Variants in MLLT10 observed in about 807,000 individuals in gnomAD.
The protein encoded by MLLT10 is MLLT10 histone lysine methyltransferase DOT1L cofactor.
MLLT10 carries 30 observed loss-of-function variants against 129.1 expected under a neutral mutation model. The ratio of observed to expected loss-of-function variants is 0.23; its 90% CI spans 0.17 to 0.32. The LOEUF (loss-of-function observed/expected upper bound fraction) is 0.32, where lower values mean the gene tolerates loss of function less well. Among genes scored for constraint, MLLT10 ranks in the 10% least tolerant of loss-of-function variants. MLLT10 has a pLI of 1.00. For synonymous variants in MLLT10, 490 were observed against 446.4 expected (o/e 1.10, Z -1.23); for missense variants, 1,119 against 1,268.3 (o/e 0.88, Z 1.79).
chr10:21,725,859 T>A (rs980584047), intron 14 of MLLT10, among the ~76,000 whole-genome samples: 1 of 150,754 alleles, frequency 6.6e-6, no homozygotes, highest in Non-Finnish European at 1.5e-5. Flanking sequence ...CACGCCATTC[T>A]CCTGCCTCAG....
At chr10:21,679,891 A>G (rs2052562185) in intron 11 of MLLT10, among the ~76,000 whole-genome samples, 1 of 152,192 alleles carries the variant, frequency 6.6e-6, no homozygotes, top group African/African-American at 2.4e-5. Context: ...GTTTTTGGTT[A>G]AATAATATCC....
intron 5 of MLLT10, among the ~76,000 whole-genome samples, chr10:21,610,309 C>T (rs1258061975): frequency 1.3e-5 from 2 of 152,142 alleles, no homozygotes; most frequent in Non-Finnish European, 2.9e-5. Flanking sequence ...GGCAGCCTGG[C>T]CGTCATAGGG....
chr10:21,607,022 G>A (rs2044129494), intron 5 of MLLT10, among the ~76,000 whole-genome samples: 2 of 152,102 alleles, frequency 1.3e-5, no homozygotes, highest in South Asian at 4.1e-4. Flanking sequence ...CAGCCCTTTT[G>A]GAGACAGTAG....
At chr10:21,586,777 C>G (rs2042024584) in intron 4 of MLLT10, among the ~76,000 whole-genome samples, 1 of 151,922 alleles carries the variant, frequency 6.6e-6, no homozygotes, top group East Asian at 1.9e-4. Flanking sequence ...GTCCCAGCTA[C>G]TTGGGAGGCT....
intron 14 of MLLT10, among the ~76,000 whole-genome samples, chr10:21,720,108 C>A (rs2057022348): frequency 6.6e-6 from 1 of 152,178 alleles, no homozygotes; most frequent in African/African-American, 2.4e-5. Flanking sequence ...CTATACAGTC[C>A]TGTTGTCCGA....
intron 8 of MLLT10, among the ~76,000 whole-genome samples, chr10:21,650,541 AC>A: frequency 6.6e-6 from 1 of 151,876 alleles, no homozygotes; most frequent in African/African-American, 2.4e-5. Flanking sequence ...TTGTATGTAA[AC>A]CTTTTTAGGA....
At chr10:21,639,169 T>C (rs1330337454) in intron 8 of MLLT10, among the ~76,000 whole-genome samples, 1 of 152,194 alleles carries the variant, frequency 6.6e-6, no homozygotes, top group Non-Finnish European at 1.5e-5. Flanking sequence ...AAACAAACAG[T>C]TTCTCCTGCT....
intron 13 of MLLT10, among the ~76,000 whole-genome samples, chr10:21,710,998 G>T (rs1434642480): frequency 6.6e-6 from 1 of 152,100 alleles, no homozygotes; most frequent in African/African-American, 2.4e-5. Flanking sequence ...GGTCTAATTA[G>T]TCACCAGGTT....
intron 3 of MLLT10, among the ~76,000 whole-genome samples, chr10:21,574,998 C>A (rs993819717): frequency 1.4e-4 from 21 of 152,006 alleles, no homozygotes; most frequent in African/African-American, 4.8e-4. Flanking sequence ...TTTCCCCAGC[C>A]CCTGTTCAAG....
chr10:21,723,134 C>G (rs1202397092), intron 14 of MLLT10, among the ~76,000 whole-genome samples: 2 of 152,010 alleles, frequency 1.3e-5, no homozygotes, highest in African/African-American at 4.8e-5. Context: ...TAGATACTTT[C>G]CTTCTTTAGC....
intron 9 of MLLT10, among the ~76,000 whole-genome samples, chr10:21,658,914 C>T (rs943242414): frequency 6.6e-6 from 1 of 152,136 alleles, no homozygotes; most frequent in Non-Finnish European, 1.5e-5. Context: ...GATCCGCCCT[C>T]CTAGGCCTCC....
intron 16 of MLLT10, among the ~76,000 whole-genome samples, chr10:21,728,501 T>TG (rs1313123187): frequency 6.6e-6 from 1 of 152,194 alleles, no homozygotes; most frequent in Non-Finnish European, 1.5e-5. Context: ...CTGTTCTAAA[T>TG]GGGGAGAATG....
chr10:21,713,940 C>T lies in MLLT10; in HGVS notation c.1868C>T (p.Ala623Val), dbSNP rs1466866554. 1 of 1,610,868 alleles carries T rather than the reference C, an allele frequency of 6.2e-7. No homozygotes were observed. Among genetic ancestry groups the T allele is most frequent in the Non-Finnish European group, 8.5e-7 (1 of 1,178,494 alleles). ...GTGTCATCTGCAGCCCCTGCTGTTGCTACAACTCAGGTAAGTTGTTACACT... is the reference window on the plus strand; with the variant it reads ...GTGTCATCTGCAGCCCCTGCTGTTGTTACAACTCAGGTAAGTTGTTACACT... ...SAVSSAAPAV[A>V]TTQANTLSGS... The change falls in exon 14 of 23, where the codon GCT (alanine) becomes GTT (valine). Residue 623 changes from alanine to valine, a missense_variant. Physicochemically the swap from Ala to Val is moderately conservative, Grantham distance 64 (BLOSUM62 0). Coordinates refer to ENST00000307729, the MANE Select transcript of MLLT10 (RefSeq NM_001195626.3).
chr10:21,539,300 A>G (rs747180965), intron 3 of MLLT10, among the ~76,000 whole-genome samples: 4 of 152,192 alleles, frequency 2.6e-5, no homozygotes, highest in Non-Finnish European at 4.4e-5. Flanking sequence ...AAAAAACCCA[A>G]TAATTTTAGT....
chr10:21,562,679 G>A (rs1564415689), intron 3 of MLLT10, among the ~76,000 whole-genome samples: 1 of 151,710 alleles, frequency 6.6e-6, no homozygotes, highest in African/African-American at 2.4e-5. Flanking sequence ...CAACATTAAG[G>A]TATTACAATC....
chr10:21,595,434 T>C lies in MLLT10; in HGVS notation c.399T>C (p.Tyr133=), dbSNP rs752633927. The C allele has an allele frequency of 2.7e-5, 43 of 1,609,408 alleles. No homozygotes were observed. Among genetic ancestry groups the C allele is most frequent in the African/African-American group, 4.0e-5 (3 of 74,842 alleles). Residue 133 remains tyrosine (Y), a synonymous_variant, in exon 5 of 23, where the codon TAT becomes TAC. Transcript: ENST00000307729. The part of the protein sequence containing the change: ...IVLQSVPHDR[Y]NKTCYICDEQ... ...TACAGTCTGTTCCGCATGATCGTTA[T>C]AATAAGGTACAGTGGATATTATTTT...
At chr10:21,544,863 A>C (rs1187109258) in intron 3 of MLLT10, among the ~76,000 whole-genome samples, 1 of 152,110 alleles carries the variant, frequency 6.6e-6, no homozygotes, top group Admixed American at 6.6e-5. Flanking sequence ...TTTGTATTGG[A>C]GGCCGGGCGC....
Position 21,563,178 on chromosome 10 carries a change from T to A in MLLT10, c.241-23116T>A, listed in dbSNP as rs191510645. On this transcript the variant is annotated intron_variant, in intron 3 of 22. Transcript: ENST00000307729. The stretch of plus-strand genomic sequence containing the variant: ...TCATAACCACTAAGGTATTCTTCAT[T>A]TTGGTAATTTTGTTACCTCAAGGAT... 4.6e-5 allele frequency among the ~76,000 whole-genome samples: 7 copies of A among 152,252 alleles called. No homozygotes were observed. The East Asian group carries it at 1.4e-3, about 29-fold the overall frequency.
chr10:21,739,997 A>G, intron 21 of MLLT10, 33 bp from the exon 22 acceptor site: 1 of 1,481,708 alleles, frequency 6.7e-7, no homozygotes, highest in Non-Finnish European at 9.3e-7. Flanking sequence ...CGTGCTTGGG[A>G]ACTCATTTTC....
Sources: gnomAD v4.1 joint callset for allele counts (sites outside exome capture counted in the v4.1 genomes callset) on GRCh38, gnomAD v4.1.1 for gene constraint, MANE v1.5 for transcripts, NCBI Gene and HGNC (gene_info 2026-07-23, HGNC 2026-07-21) for gene names.